Variants in TRIOBP observed in about 807,000 individuals in gnomAD.
TRIOBP encodes the protein TRIO and F-actin binding protein.
A neutral mutation model predicts 238.8 loss-of-function variants in TRIOBP; 169 were observed. That is an observed-to-expected ratio of 0.71 (90% CI 0.62 to 0.80). The LOEUF (loss-of-function observed/expected upper bound fraction) is 0.80. Ranked by LOEUF, TRIOBP falls within the 30% of genes least tolerant of loss-of-function variation. TRIOBP has a pLI of 0.00. For synonymous variants in TRIOBP, 1,150 were observed against 1,274.4 expected (o/e 0.90, Z 2.08); for missense variants, 2,838 against 3,122.6 (o/e 0.91, Z 2.17).
chr22:37,752,603 A>G (rs1319486528), intron 12 of TRIOBP, among the ~76,000 whole-genome samples: 1 of 152,080 alleles, frequency 6.6e-6, no homozygotes, highest in Non-Finnish European at 1.5e-5. Context: ...AGGGGATTTC[A>G]TTGTGTTTCC....
chr22:37,726,154 G>T lies in TRIOBP; in HGVS notation c.3598G>T (p.Ala1200Ser), dbSNP rs751210935. Residue 1200 changes from alanine to serine, a missense_variant, in exon 7 of 24, where the codon GCC becomes TCC. Transcript: ENST00000644935. Reference sequence around the variant, plus strand: ...CCCTGGAACTAGTATGGAGAGCCTGGCCCCCTCCACTGACTCTCTGCATGG... The same window carrying T: ...CCCTGGAACTAGTATGGAGAGCCTGTCCCCCTCCACTGACTCTCTGCATGG... ...DPPGTSMESL[A>S]PSTDSLHGSP... 6.3e-7 allele frequency: 1 copy of T among 1,581,990 alleles called. No homozygotes were observed. Among genetic ancestry groups the T allele is most frequent in the Non-Finnish European group, 8.6e-7 (1 of 1,164,226 alleles).
intron 4 of TRIOBP, among the ~76,000 whole-genome samples, chr22:37,712,136 GTC>G (rs1273131252): frequency 1.3e-5 from 2 of 151,932 alleles, no homozygotes; most frequent in Non-Finnish European, 2.9e-5. Flanking sequence ...ACCTTGGCCA[GTC>G]TCTTGACCTC....
At chr22:37,756,722 A>G (rs1002219754) in intron 15 of TRIOBP, among the ~76,000 whole-genome samples, 9 of 152,210 alleles carry the variant, frequency 5.9e-5, no homozygotes, top group Admixed American at 5.9e-4. Context: ...CTATAGTCAC[A>G]TGGCTACAAG....
chr22:37,710,706 G>A (rs1271619495), intron 4 of TRIOBP, 140 bp downstream of exon 4: 2 of 1,212,198 alleles, frequency 1.6e-6, no homozygotes, highest in Non-Finnish European at 2.3e-6. Flanking sequence ...CTAAACCTAG[G>A]CACAGGTGGG....
chr22:37,753,246 T>A (rs538180076), intron 12 of TRIOBP, among the ~76,000 whole-genome samples: 8 of 151,870 alleles, frequency 5.3e-5, no homozygotes, highest in African/African-American at 1.9e-4. Flanking sequence ...CACCAGAAGG[T>A]CTAGGCACTT....
chr22:37,745,435 C>T (rs1265483864), intron 11 of TRIOBP, among the ~76,000 whole-genome samples: 1 of 151,966 alleles, frequency 6.6e-6, no homozygotes, highest in Admixed American at 6.6e-5. Context: ...CTTCCTAGTG[C>T]ATTTAGCAAC....
At chr22:37,733,169 G>C (rs985039277) in intron 7 of TRIOBP, 129 bp from the exon 8 acceptor site, 4 of 730,596 alleles carry the variant, frequency 5.5e-6, no homozygotes, top group Non-Finnish European at 9.9e-6. Flanking sequence ...TCCTCACTTA[G>C]GGCCCTTCAA....
At chr22:37,721,243 C>A (rs574862181) in intron 6 of TRIOBP, among the ~76,000 whole-genome samples, 1 of 151,888 alleles carries the variant, frequency 6.6e-6, no homozygotes, top group Non-Finnish European at 1.5e-5. Context: ...GAACTCCTGA[C>A]CTCAGATGAT....
chr22:37,755,508 C>T (rs764668395), intron 14 of TRIOBP, 42 bp from the exon 15 acceptor site: 34 of 1,556,458 alleles, frequency 2.2e-5, no homozygotes, highest in Non-Finnish European at 2.7e-5. Flanking sequence ...GGGAGTCATG[C>T]GGCTGGCCAT....
rs1270214442 is a variant in TRIOBP, at chr22:37,726,474, G to A, written c.3918G>A (p.Glu1306=). Residue 1306 remains glutamate, a synonymous_variant, in exon 7 of 24, where the codon GAG becomes GAA. Transcript: ENST00000644935. The part of the protein sequence containing the change: ...GGRTHSPGRA[E]VERLFGQERR... The stretch of plus-strand genomic sequence containing the variant: ...GCACCCACAGCCCTGGCCGTGCAGA[G>A]GTGGAGCGCCTCTTCGGGCAAGAGC... 7.8e-6 allele frequency: 12 copies of A among 1,543,920 alleles called. No individual in the cohort carries two copies. Among genetic ancestry groups the A allele is most frequent in the African/African-American group, 1.4e-5 (1 of 73,698 alleles).
rs1269402539 is a variant in TRIOBP, at chr22:37,734,659, A to C, written c.4323A>C (p.Arg1441Ser). Residue 1441 changes from arginine to serine, a missense_variant, in exon 9 of 24, where the codon AGA (arginine) becomes AGC (serine). This residue lies in a region of TRIOBP where 2,096 missense variants were observed against 2,137.4 expected (regional missense o/e 0.98). Coordinates refer to ENST00000644935, the MANE Select transcript of TRIOBP (RefSeq NM_001039141.3). ...CGCCAGGGTCCCAGGGCCCTCATAG[A>C]CACCTAGAAAGGAGCTGGAGCAGCC... The part of the protein sequence containing the change: ...EEPPGSQGPH[R>S]HLERSWSSQE... The C allele has an allele frequency of 1.9e-6, 3 of 1,598,328 alleles. No individual in the cohort carries two copies. The highest frequency in any genetic ancestry group is 2.6e-6 in the Non-Finnish European group (3 of 1,173,138).
intron 6 of TRIOBP, among the ~76,000 whole-genome samples, chr22:37,718,460 G>A (rs889401359): frequency 6.6e-6 from 1 of 152,078 alleles, no homozygotes; most frequent in East Asian, 1.9e-4. Flanking sequence ...CTTAGGCTGG[G>A]GAGAGCGGGA....
intron 3 of TRIOBP, 41 bp downstream of exon 3, chr22:37,701,520 G>A (rs2145809884): frequency 6.9e-7 from 1 of 1,442,404 alleles, no homozygotes; most frequent in Non-Finnish European, 9.7e-7. Flanking sequence ...TTTGTGATGG[G>A]GGCATGGGTG....
chr22:37,758,286 G>C (rs552411833), intron 16 of TRIOBP, 148 bp downstream of exon 16: 2 of 1,079,354 alleles, frequency 1.9e-6, no homozygotes, highest in Non-Finnish European at 2.7e-6. Flanking sequence ...ACACTCCTGC[G>C]AACTAGAATC....
chr22:37,741,253 C>T (rs772284188), intron 11 of TRIOBP, among the ~76,000 whole-genome samples: 3 of 152,310 alleles, frequency 2.0e-5, no homozygotes, highest in East Asian at 3.9e-4. Context: ...GGGCTGCTTT[C>T]AGCTTTTGGA....
intron 9 of TRIOBP, among the ~76,000 whole-genome samples, chr22:37,737,270 G>T (rs909261764): frequency 6.6e-6 from 1 of 152,274 alleles, no homozygotes; most frequent in African/African-American, 2.4e-5. Flanking sequence ...GCTGGGAAGG[G>T]ATGGGAGCAC....
Position 37,755,206 on chromosome 22 carries a change from G to C in TRIOBP, c.5577+16G>C, listed in dbSNP as rs1014159581. On this transcript the variant is annotated intron_variant, in intron 14 of 23. Transcript: ENST00000644935. ...CCAGATCCACGTGAGGCTGTGTGCA[G>C]CTTGGGGGCTGGTGGTGGGCAGCAT... The C allele has an allele frequency of 2.5e-6, 4 of 1,606,346 alleles. No homozygotes were observed. Among genetic ancestry groups the C allele is most frequent in the Non-Finnish European group, 2.6e-6 (3 of 1,176,444 alleles).
chr22:37,717,355 G>A (rs990288900), intron 6 of TRIOBP, among the ~76,000 whole-genome samples: 4 of 152,228 alleles, frequency 2.6e-5, no homozygotes, highest in Admixed American at 2.0e-4. Context: ...AGCTTCCACA[G>A]CATGGAAGAG....
chr22:37,705,379 AAAAC>A lies in TRIOBP; in HGVS notation c.114+3912_114+3915del, dbSNP rs749259268. 2.6e-4 allele frequency among the ~76,000 whole-genome samples: 39 copies of A among 152,080 alleles called. 1 individual carries two copies. In the East Asian group the frequency reaches 3.7e-3, roughly 14 times the overall value. Reference sequence around the variant, plus strand: ...AACAGAGCGAGAATCCTCTCAAAACAAAACAAACAAACAAAGAATATGCAAAGGC... The same window carrying A: ...AACAGAGCGAGAATCCTCTCAAAACAAAACAAACAAAGAATATGCAAAGGC... On this transcript the variant is annotated intron_variant, in intron 3 of 23. Coordinates refer to ENST00000644935, the MANE Select transcript of TRIOBP (RefSeq NM_001039141.3).
Sources: gnomAD v4.1 joint callset for allele counts (sites outside exome capture counted in the v4.1 genomes callset) on GRCh38, gnomAD v4.1.1 for gene constraint, gnomAD v4.1.1 regional missense constraint, MANE v1.5 for transcripts, NCBI Gene and HGNC (gene_info 2026-07-23, HGNC 2026-07-21) for gene names.